Variants in PDZD8 observed in about 807,000 individuals in gnomAD.
PDZD8 encodes the protein PDZ domain containing 8.
Under a neutral mutation model 85.8 loss-of-function variants are expected in PDZD8, and 14 were observed. The observed-to-expected ratio is 0.16, with a 90% confidence interval of 0.11 to 0.26. The LOEUF is 0.26. Among genes scored for constraint, PDZD8 ranks in the 10% least tolerant of loss-of-function variants. The pLI is 1.00. For missense variants in PDZD8, 1,197 were observed against 1,424.3 expected, an observed-to-expected ratio of 0.84 and a Z score of 2.57; for synonymous variants, 592 against 568.6, an observed-to-expected ratio of 1.04 and a Z score of -0.59.
chr10:117,370,291 G>A (rs990296665), intron 1 of PDZD8, among the ~76,000 whole-genome samples: 1 of 152,144 alleles, frequency 6.6e-6, no homozygotes, highest in Non-Finnish European at 1.5e-5. Context: ...TGAAATGTCA[G>A]TCAGCTGGGT....
chr10:117,306,678 GT>G (rs1564693961), intron 3 of PDZD8, among the ~76,000 whole-genome samples: 20 of 150,450 alleles, frequency 1.3e-4, no homozygotes, highest in African/African-American at 4.4e-4. Flanking sequence ...TATAAATAAG[GT>G]TTTTTTTTAA....
chr10:117,361,234 A>ACT (rs147701505), intron 1 of PDZD8, among the ~76,000 whole-genome samples: 35,067 of 151,952 alleles, frequency 0.23, 4,687 homozygotes, highest in East Asian at 0.43. Flanking sequence ...GACTGTAACG[A>ACT]CTGAGTCGGG....
chr10:117,322,645 A>C (rs1052028816), intron 2 of PDZD8, among the ~76,000 whole-genome samples: 2 of 152,158 alleles, frequency 1.3e-5, no homozygotes, highest in African/African-American at 4.8e-5. Flanking sequence ...CAGGTAAGAG[A>C]GGCCTCAGGT....
chr10:117,347,788 G>A (rs1265937482), intron 1 of PDZD8, among the ~76,000 whole-genome samples: 1 of 152,034 alleles, frequency 6.6e-6, no homozygotes, highest in Admixed American at 6.6e-5. Context: ...AAGAGACAAG[G>A]GAGTAGAAAA....
intron 2 of PDZD8, among the ~76,000 whole-genome samples, chr10:117,328,252 C>T: frequency 6.6e-6 from 1 of 152,150 alleles, no homozygotes; most frequent in East Asian, 1.9e-4. Flanking sequence ...ACCTAATTCC[C>T]TATGTCAGTG....
chr10:117,374,683 A>C lies in PDZD8; in HGVS notation c.545T>G (p.Leu182Arg), dbSNP rs751601657. ...GEPDGPEGEALPAACPEELAF... is the reference protein window; with the variant it reads ...GEPDGPEGEARPAACPEELAF... ...CAGCTCCTCGGGGCAGGCGGCGGGC[A>C]GCGCCTCCCCTTCAGGGCCATCGGG... is the stretch of plus-strand genomic sequence containing the variant. The change falls in exon 1 of 5, where the codon CTG becomes CGG. Residue 182 changes from leucine (L) to arginine (R), a missense_variant. Around this residue, in one of 4 missense-constraint regions of PDZD8, gnomAD observed 344 missense variants for 453.6 expected, o/e 0.76. Transcript: ENST00000334464. This position sits in a 1 kb window ranked among gnomAD's most constrained non-coding sequence, Gnocchi z 7.8. 13 of 1,593,084 alleles carry C rather than the reference A, an allele frequency of 8.2e-6. No individual in the cohort carries two copies. Among genetic ancestry groups the C allele is most frequent in the Non-Finnish European group, 1.1e-5 (13 of 1,170,366 alleles).
chr10:117,307,516 C>T (rs1843964448), intron 3 of PDZD8, among the ~76,000 whole-genome samples: 1 of 152,004 alleles, frequency 6.6e-6, no homozygotes. Context: ...CTAAGAATTA[C>T]TAGATAACCT....
In PDZD8 at chr10:117,284,923, C is replaced by T. The variant is rs758856337; in HGVS notation, c.1810G>A (p.Ala604Thr). 16 of 1,613,998 alleles carry T rather than the reference C, an allele frequency of 9.9e-6. No individual in the cohort carries two copies. Among genetic ancestry groups the T allele is most frequent in the African/African-American group, 9.3e-5 (7 of 74,904 alleles). Residue 604 changes from alanine (A) to threonine (T), a missense_variant, in exon 5 of 5, where the codon GCC becomes ACC. Transcript: ENST00000334464. ...RPQAKVPLPS[A>T]DAPNQAEPDV... ...GGTTCTGCCTGATTTGGAGCATCGG[C>T]GGAAGGCAAAGGAACTTTCGCTTGT... is the stretch of plus-strand genomic sequence containing the variant.
At chr10:117,298,594 T>C (rs562407493) in intron 3 of PDZD8, among the ~76,000 whole-genome samples, 2 of 152,248 alleles carry the variant, frequency 1.3e-5, no homozygotes, top group African/African-American at 2.4e-5. Context: ...ATTTATCAAC[T>C]ACAGACAATA....
chr10:117,324,235 G>GACAAA (rs1844278290), intron 2 of PDZD8, among the ~76,000 whole-genome samples: 3 of 90,868 alleles, frequency 3.3e-5, no homozygotes, highest in African/African-American at 1.4e-4. Flanking sequence ...AAAAAAAAAA[G>GACAAA]ACAAGAGGCT....
intron 4 of PDZD8, among the ~76,000 whole-genome samples, chr10:117,287,823 C>G (rs989383970): frequency 6.6e-6 from 1 of 152,178 alleles, no homozygotes; most frequent in Non-Finnish European, 1.5e-5. Context: ...CATGGAAATT[C>G]AGAGCTTTCT....
intron 2 of PDZD8, among the ~76,000 whole-genome samples, chr10:117,336,192 G>A (rs987937474): frequency 2.0e-5 from 3 of 152,162 alleles, no homozygotes; most frequent in Non-Finnish European, 2.9e-5. Context: ...ATCAGAAAGC[G>A]AAGGTGTCAG....
chr10:117,283,918 T>C lies in PDZD8; in HGVS notation c.2815A>G (p.Ile939Val). ...NKTTGLTRHI[I>V]NTSSRLLNLR... The stretch of plus-strand genomic sequence containing the variant: ...TTTAATAAACGAGAACTAGTATTGA[T>C]AATATGCCTTGTCAAACCTGTTGTT... The change falls in exon 5 of 5, where the codon ATC becomes GTC. Residue 939 changes from isoleucine (I) to valine (V), a missense_variant. Ile to Val is a conservative substitution (Grantham distance 29). This residue lies in a region of PDZD8 where 418 missense variants were observed against 571.1 expected (regional missense o/e 0.73). Transcript: ENST00000334464. 1 of 1,614,182 alleles carries C rather than the reference T, an allele frequency of 6.2e-7. No homozygotes were observed. Among genetic ancestry groups the C allele is most frequent in the Non-Finnish European group, 8.5e-7 (1 of 1,180,044 alleles).
At chr10:117,315,073 G>C (rs1844100367) in intron 3 of PDZD8, among the ~76,000 whole-genome samples, 1 of 152,114 alleles carries the variant, frequency 6.6e-6, no homozygotes, top group African/African-American at 2.4e-5. Flanking sequence ...CTCTACCCTA[G>C]AATTCCCAGA....
At chr10:117,338,440 A>T (rs1360836015) in intron 2 of PDZD8, among the ~76,000 whole-genome samples, 2 of 152,170 alleles carry the variant, frequency 1.3e-5, no homozygotes, top group African/African-American at 2.4e-5. Flanking sequence ...TTCAGATATT[A>T]AAAAAACTAT....
chr10:117,341,634 T>C (rs1844614841), intron 1 of PDZD8, among the ~76,000 whole-genome samples: 3 of 152,184 alleles, frequency 2.0e-5, no homozygotes, highest in African/African-American at 7.2e-5. Context: ...TAATACCTAA[T>C]ACAATGTAAA....
chr10:117,336,273 C>T (rs1220755784), intron 2 of PDZD8, among the ~76,000 whole-genome samples: 2 of 152,260 alleles, frequency 1.3e-5, no homozygotes, highest in East Asian at 3.9e-4. Flanking sequence ...TTTGGGATTT[C>T]AAATTTTTCA....
rs1056023121 is a variant in PDZD8, at chr10:117,306,256, C to T, written c.1098+12616G>A. ...ATATCAAAAAGTAAACTCTATTATA[C>T]AAATATAACCAATTTAAGAGATCTA... On this transcript the variant is annotated intron_variant, in intron 3 of 4. Coordinates refer to ENST00000334464, the MANE Select transcript of PDZD8 (RefSeq NM_173791.5). Among the ~76,000 whole-genome samples, 7 of 152,260 alleles carry T rather than the reference C, an allele frequency of 4.6e-5. No individual in the cohort carries two copies. The South Asian group carries it at 1.5e-3, about 32-fold the overall frequency.
chr10:117,298,021 T>A (rs1038027954), intron 3 of PDZD8, among the ~76,000 whole-genome samples: 1 of 152,138 alleles, frequency 6.6e-6, no homozygotes. Context: ...ATTTAGATGA[T>A]CCTTAAGTTA....
Sources: gnomAD v4.1 joint callset for allele counts (sites outside exome capture counted in the v4.1 genomes callset) on GRCh38, gnomAD v4.1.1 for gene constraint, gnomAD v4.1.1 regional missense constraint, Gnocchi (gnomAD v3.1) non-coding constraint, MANE v1.5 for transcripts, NCBI Gene and HGNC (gene_info 2026-07-23, HGNC 2026-07-21) for gene names.